The following PRKCH variants were observed in gnomAD, a reference collection of about 807,000 sequenced individuals.
The protein encoded by PRKCH is protein kinase C eta.
PRKCH carries 28 observed loss-of-function variants against 82.5 expected under a neutral mutation model. The ratio of observed to expected loss-of-function variants is 0.34; its 90% confidence interval spans 0.25 to 0.47. PRKCH has a LOEUF of 0.47. PRKCH is among the 20% of genes least tolerant of loss of function. The probability of loss-of-function intolerance (pLI) is 1.00; values close to 1 mark genes in which losing one functional copy is unlikely to be tolerated. For missense variants in PRKCH, 705 were observed against 881.8 expected (o/e 0.80, Z 2.54); for synonymous variants, 322 against 327.4 (o/e 0.98, Z 0.18).
At chr14:61,269,653 A>G (rs1342825184) in intron 1 of PRKCH, among the ~76,000 whole-genome samples, 1 of 152,188 alleles carries the variant, frequency 6.6e-6, no homozygotes, top group East Asian at 1.9e-4. Flanking sequence ...TATAGCTACT[A>G]TTTACATGCA....
At chr14:61,358,542 A>G (rs2046181229) in intron 1 of PRKCH, among the ~76,000 whole-genome samples, 1 of 152,076 alleles carries the variant, frequency 6.6e-6, no homozygotes, top group Admixed American at 6.5e-5. Context: ...TTACTTTCCA[A>G]GATGAAGCCA....
chr14:61,545,673 C>A (rs533419946), intron 12 of PRKCH, among the ~76,000 whole-genome samples: 1 of 152,256 alleles, frequency 6.6e-6, no homozygotes, highest in East Asian at 1.9e-4. Context: ...TTTATCAGAA[C>A]CCCAAGAGGC....
intron 10 of PRKCH, among the ~76,000 whole-genome samples, chr14:61,494,305 G>A (rs577524549): frequency 1.3e-5 from 2 of 152,264 alleles, no homozygotes; most frequent in African/African-American, 2.4e-5. Flanking sequence ...TGGCTCCAGG[G>A]TTATAGAAAC....
At chr14:61,354,275 C>T (rs772677147) in intron 1 of PRKCH, among the ~76,000 whole-genome samples, 1 of 152,018 alleles carries the variant, frequency 6.6e-6, no homozygotes, top group Middle Eastern at 3.2e-3. Context: ...ATTTCTAATC[C>T]TAATATACTC....
chr14:61,507,672 A>G (rs1887209989), intron 10 of PRKCH, among the ~76,000 whole-genome samples: 1 of 152,184 alleles, frequency 6.6e-6, no homozygotes, highest in Admixed American at 6.5e-5. Flanking sequence ...AGGCAGACCC[A>G]GAAAGACAGA....
chr14:61,479,514 C>T (rs1384547358), intron 9 of PRKCH, among the ~76,000 whole-genome samples: 2 of 152,182 alleles, frequency 1.3e-5, no homozygotes, highest in Non-Finnish European at 2.9e-5. Flanking sequence ...GGTCCATGCT[C>T]GCTCTCCAGT....
intron 1 of PRKCH, among the ~76,000 whole-genome samples, chr14:61,309,318 C>A (rs2045504772): frequency 6.6e-6 from 1 of 152,134 alleles, no homozygotes; most frequent in African/African-American, 2.4e-5. Context: ...AGGTTCTCTG[C>A]AAATGGCAGG....
In PRKCH at chr14:61,513,833, G is replaced by C. The variant is rs190414910; in HGVS notation, c.1434-15242G>C. ...AGCGGCAGTTTGTGGACCACACTTTGAGTAGCATTGCCCTGGGCAGAGGAG... is the reference window on the plus strand; with the variant it reads ...AGCGGCAGTTTGTGGACCACACTTTCAGTAGCATTGCCCTGGGCAGAGGAG... On this transcript the variant is annotated intron_variant, in intron 10 of 13. Coordinates refer to ENST00000332981, the MANE Select transcript of PRKCH (RefSeq NM_006255.5). 2.0e-3 allele frequency among the ~76,000 whole-genome samples: 302 copies of C among 152,226 alleles called. 2 individuals carry two copies. Among genetic ancestry groups the C allele is most frequent in the African/African-American group, 7.0e-3 (289 of 41,490 alleles).
At chr14:61,223,090 T>C (rs1219197826) in intron 1 of PRKCH, among the ~76,000 whole-genome samples, 1 of 152,194 alleles carries the variant, frequency 6.6e-6, no homozygotes, top group African/African-American at 2.4e-5. Flanking sequence ...ATTTAAATGA[T>C]GAAATCCAAT....
intron 2 of PRKCH, among the ~76,000 whole-genome samples, chr14:61,420,225 C>T (rs1385881554): frequency 1.3e-5 from 2 of 152,160 alleles, no homozygotes. Flanking sequence ...GTGTCTGTGT[C>T]TGCTCTTCTC....
chr14:61,461,614 C>T (rs1420844125), intron 9 of PRKCH, among the ~76,000 whole-genome samples: 1 of 152,190 alleles, frequency 6.6e-6, no homozygotes, highest in Non-Finnish European at 1.5e-5. Flanking sequence ...AGCAATGGTT[C>T]CAAGTTACTA....
chr14:61,534,362 C>G (rs1222868281), intron 12 of PRKCH, among the ~76,000 whole-genome samples: 6 of 152,188 alleles, frequency 3.9e-5, no homozygotes, highest in Admixed American at 3.9e-4. Context: ...TACGTGCACT[C>G]TGAACAAGCA....
At chr14:61,259,231 G>A (rs1341441849) in intron 1 of PRKCH, among the ~76,000 whole-genome samples, 2 of 152,124 alleles carry the variant, frequency 1.3e-5, no homozygotes, top group Non-Finnish European at 2.9e-5. Context: ...ACAATGTGAT[G>A]GGCCGATCTA....
At chr14:61,475,315 A>G (rs570002484) in intron 9 of PRKCH, among the ~76,000 whole-genome samples, 2 of 152,338 alleles carry the variant, frequency 1.3e-5, no homozygotes, top group Non-Finnish European at 2.9e-5. Flanking sequence ...ACCTTTTTTA[A>G]AAAGTAGATA....
rs762878496 is a variant in PRKCH, at chr14:61,505,395, C to CTTTTCTTTTTTT, written c.1433+19743_1433+19744insCTTTTTTTTTTT. On this transcript the variant is annotated intron_variant, in intron 10 of 13. Coordinates refer to ENST00000332981, the MANE Select transcript of PRKCH (RefSeq NM_006255.5). ...TTTGTCTTTTCTTTTCTTTTCTTTT[C>CTTTTCTTTTTTT]TTTTTTTTTTTTTTTTTTTTTTTTT... Among the ~76,000 whole-genome samples the CTTTTCTTTTTTT allele has an allele frequency of 5.4e-5, 3 of 55,766 alleles. No individual in the cohort carries two copies. The East Asian group carries it at 2.4e-3, about 44-fold the overall frequency. 36.6% of individuals were successfully genotyped at this position (55,766 alleles called of 152,430 possible). A position where few individuals can be genotyped will look rare whatever the true frequency, so the allele number is the denominator to read the frequency against.
chr14:61,195,082 T>G (rs1182125278), intron 1 of PRKCH, among the ~76,000 whole-genome samples: 2 of 152,232 alleles, frequency 1.3e-5, no homozygotes, highest in African/African-American at 2.4e-5. Flanking sequence ...TACCTGCATA[T>G]TTACTTTTTC....
chr14:61,215,677 A>G (rs2044611128), intron 1 of PRKCH, among the ~76,000 whole-genome samples: 1 of 152,210 alleles, frequency 6.6e-6, no homozygotes, highest in Non-Finnish European at 1.5e-5. Flanking sequence ...TAATTGTGTG[A>G]CTTTTTGAAG....
At chr14:61,380,356 T>C (rs1333233736) in intron 1 of PRKCH, among the ~76,000 whole-genome samples, 7 of 152,134 alleles carry the variant, frequency 4.6e-5, no homozygotes, top group Non-Finnish European at 8.8e-5. Context: ...CCTCCCAAAG[T>C]GTTGGGATTT....
intron 1 of PRKCH, among the ~76,000 whole-genome samples, chr14:61,200,227 A>C (rs2044469624): frequency 6.6e-6 from 1 of 152,164 alleles, no homozygotes; most frequent in African/African-American, 2.4e-5. Context: ...CCAGAATGAA[A>C]ACCTGGATAA....
Sources: gnomAD v4.1 joint callset for allele counts (sites outside exome capture counted in the v4.1 genomes callset) on GRCh38, gnomAD v4.1.1 for gene constraint, MANE v1.5 for transcripts, NCBI Gene and HGNC (gene_info 2026-07-23, HGNC 2026-07-21) for gene names.